TRMT9B: variants seen among roughly 807,000 people sequenced by gnomAD.
The protein encoded by TRMT9B is probable tRNA methyltransferase 9B.
Under a neutral mutation model 11.5 loss-of-function variants are expected in TRMT9B, and 16 were observed. The ratio of observed to expected loss-of-function variants is 1.39; its 90% CI spans 0.94 to 2.11. The LOEUF (loss-of-function observed/expected upper bound fraction) is 2.11, where lower values mean the gene tolerates loss of function less well. Ranked by LOEUF, TRMT9B falls within the 30% of genes most tolerant of loss-of-function variation. TRMT9B has a pLI of 0.00. For synonymous variants in TRMT9B, 274 were observed against 192.4 expected (o/e 1.42, Z -3.51); for missense variants, 941 against 553.8 (o/e 1.70, Z -7.02).
intron 1 of TRMT9B, chr8:12,969,955 A>G (rs1464147499): frequency 6.6e-6 from 1 of 151,806 alleles, no homozygotes; most frequent in African/African-American, 2.4e-5. Context: ...AAATGCTGGA[A>G]TTACAGGCAT....
At chr8:12,995,502 A>G (rs1808174240) in intron 2 of TRMT9B, among the ~76,000 whole-genome samples, 1 of 152,152 alleles carries the variant, frequency 6.6e-6, no homozygotes, top group Non-Finnish European at 1.5e-5. Flanking sequence ...GCACTAACAT[A>G]TATGAACCGC....
In TRMT9B at chr8:13,018,199, C is replaced by G. The variant is rs555840996; in HGVS notation, c.329-2809C>G. Reference sequence around the variant, plus strand: ...GGAGGATGGCTTGAGCCCAGGAGTTCGATACCAGCCTGGGCAACATGGCAA... The same window carrying G: ...GGAGGATGGCTTGAGCCCAGGAGTTGGATACCAGCCTGGGCAACATGGCAA... On this transcript the variant is annotated intron_variant, in intron 4 of 4. Coordinates refer to ENST00000524591, the MANE Select transcript of TRMT9B (RefSeq NM_020844.3). Among the ~76,000 whole-genome samples, 40 of 150,438 alleles carry G rather than the reference C, an allele frequency of 2.7e-4. No homozygotes were observed. The South Asian group carries it at 3.0e-3, about 11-fold the overall frequency.
At chr8:12,974,808 A>G (rs1804184506) in intron 1 of TRMT9B, among the ~76,000 whole-genome samples, 1 of 152,164 alleles carries the variant, frequency 6.6e-6, no homozygotes. Flanking sequence ...AAAGTAGCTC[A>G]CTTGGTTACA....
At chr8:12,970,523 C>G (rs184601465) in intron 1 of TRMT9B, among the ~76,000 whole-genome samples, 2 of 152,312 alleles carry the variant, frequency 1.3e-5, no homozygotes, top group East Asian at 3.9e-4. Context: ...AGAGCAGACG[C>G]CTTCTGGGCG....
At chr8:12,953,446 T>G (rs1355645432) in intron 1 of TRMT9B, among the ~76,000 whole-genome samples, 1 of 151,982 alleles carries the variant, frequency 6.6e-6, no homozygotes, top group Non-Finnish European at 1.5e-5. Flanking sequence ...GTCTCCCGAG[T>G]TCAACCGATT....
At chr8:12,979,766 A>G (rs1340846956) in intron 1 of TRMT9B, among the ~76,000 whole-genome samples, 2 of 152,196 alleles carry the variant, frequency 1.3e-5, no homozygotes, top group African/African-American at 4.8e-5. Context: ...ACAATGACCA[A>G]CACATTTTTT....
chr8:12,960,966 C>G (rs541414016), intron 1 of TRMT9B, among the ~76,000 whole-genome samples: 3 of 152,186 alleles, frequency 2.0e-5, no homozygotes, highest in Admixed American at 2.0e-4. Flanking sequence ...AGTAGTGAAA[C>G]CTTGTCTCTA....
Position 13,021,069 on chromosome 8 carries a change from C to T in TRMT9B, c.390C>T (p.Val130=), listed in dbSNP as rs543130685. The T allele has an allele frequency of 1.2e-6, 2 of 1,600,940 alleles. No homozygotes were observed. Among genetic ancestry groups the T allele is most frequent in the East Asian group, 2.2e-5 (1 of 44,714 alleles). Residue 130 remains valine (V), a synonymous_variant, in exon 5 of 5, where the codon GTC becomes GTT. Transcript: ENST00000524591. ...GAGCAATAAAAGAAATGGCCAGGGT[C>T]TTAGTTCCCGGAGGCCAACTGATGA... The part of the protein sequence containing the change: ...RIRAIKEMAR[V]LVPGGQLMIY...
At position 12,990,837 on chromosome 8, in the gene TRMT9B, CT is replaced by C. The variant is rs1176059705; in HGVS notation, c.-195del. On this transcript the variant is annotated 5_prime_UTR_variant, in exon 2 of 5. An upstream open reading frame in the 5' UTR loses its in-frame stop. Transcript: ENST00000524591. ...GTATTTGTTTTCTTCCTGATAGGGC[CT>C]GTGCTTCCTTCAGAGACTCACACAA... The C allele has an allele frequency of 3.1e-6, 4 of 1,288,774 alleles. No homozygotes were observed. The highest frequency in any genetic ancestry group is 4.0e-6 in the Non-Finnish European group (4 of 988,068). 79.8% of individuals were successfully genotyped at this position (1,288,774 alleles called of 1,614,324 possible). A position where few individuals can be genotyped will look rare whatever the true frequency, so the allele number is the denominator to read the frequency against.
intron 1 of TRMT9B, among the ~76,000 whole-genome samples, chr8:12,953,616 T>C (rs1240865441): frequency 6.6e-6 from 1 of 152,190 alleles, no homozygotes; most frequent in Non-Finnish European, 1.5e-5. Context: ...GAAGCCTTTA[T>C]CTTTTAGCTA....
At chr8:12,993,289 T>C (rs1220283201) in intron 2 of TRMT9B, among the ~76,000 whole-genome samples, 2 of 152,082 alleles carry the variant, frequency 1.3e-5, no homozygotes, top group African/African-American at 4.8e-5. Flanking sequence ...TATAGAAAAA[T>C]TAACCCTGCA....
At chr8:12,959,971 C>G (rs1449617717) in intron 1 of TRMT9B, 1 of 152,216 alleles carries the variant, frequency 6.6e-6, no homozygotes, top group Non-Finnish European at 1.5e-5. Flanking sequence ...GAAGTAGACA[C>G]CTGAATGCCA....
intron 3 of TRMT9B, chr8:13,011,605 C>T (rs1234272697): frequency 1.0e-6 from 1 of 955,160 alleles, no homozygotes; most frequent in East Asian, 1.2e-4. Context: ...GGCTTTGTTT[C>T]AAGGTGGTTT....
At chr8:12,968,211 T>G (rs1803089170) in intron 1 of TRMT9B, among the ~76,000 whole-genome samples, 1 of 152,184 alleles carries the variant, frequency 6.6e-6, no homozygotes, top group Non-Finnish European at 1.5e-5. Flanking sequence ...GAAATACTGT[T>G]CAAGTCACGG....
At chr8:12,985,942 C>T (rs1806221771) in intron 1 of TRMT9B, among the ~76,000 whole-genome samples, 1 of 152,050 alleles carries the variant, frequency 6.6e-6, no homozygotes, top group Non-Finnish European at 1.5e-5. Flanking sequence ...CTCACTGCAA[C>T]CTCCGCCTCC....
intron 1 of TRMT9B, among the ~76,000 whole-genome samples, chr8:12,950,896 G>A (rs1296327638): frequency 1.3e-5 from 2 of 152,158 alleles, no homozygotes. Flanking sequence ...CCCCTACGCT[G>A]GGGATCAGGA....
chr8:12,952,083 C>T (rs1459736117), intron 1 of TRMT9B: 2 of 391,512 alleles, frequency 5.1e-6, no homozygotes, highest in Non-Finnish European at 1.0e-5. Context: ...GGAAGTTACA[C>T]CTGGTGCAGC....
Position 12,980,067 on chromosome 8 carries a change from A to G in TRMT9B, c.-199-10767A>G, listed in dbSNP as rs989346046. Reference sequence around the variant, plus strand: ...ATCTAGGTCATAGGGCCAGGCATCTATATTTGTTTCCCGGGGCTGCTGTAA... The same window carrying G: ...ATCTAGGTCATAGGGCCAGGCATCTGTATTTGTTTCCCGGGGCTGCTGTAA... On this transcript the variant is annotated intron_variant, in intron 1 of 4. Transcript: ENST00000524591. 3.3e-5 allele frequency among the ~76,000 whole-genome samples: 5 copies of G among 152,178 alleles called. No homozygotes were observed. The South Asian group carries it at 6.2e-4, about 19-fold the overall frequency.
Position 13,021,075 on chromosome 8 carries a change from T to G in TRMT9B, c.396T>G (p.Val132=), listed in dbSNP as rs1230724588. ...TAAAAGAAATGGCCAGGGTCTTAGT[T>G]CCCGGAGGCCAACTGATGATTTACG... ...RAIKEMARVL[V]PGGQLMIYVW... Residue 132 remains valine (V), a synonymous_variant, in exon 5 of 5, where the codon GTT becomes GTG. Coordinates refer to ENST00000524591, the MANE Select transcript of TRMT9B (RefSeq NM_020844.3). The G allele has an allele frequency of 1.1e-5, 17 of 1,603,922 alleles. No homozygotes were observed. The highest frequency in any genetic ancestry group is 1.4e-5 in the Non-Finnish European group (17 of 1,174,604).
Sources: gnomAD v4.1 joint callset for allele counts (sites outside exome capture counted in the v4.1 genomes callset) on GRCh38, gnomAD v4.1.1 for gene constraint, MANE v1.5 for transcripts, NCBI Gene and HGNC (gene_info 2026-07-23, HGNC 2026-07-21) for gene names.